Variants in TACC1 observed in about 807,000 individuals in gnomAD.
The protein encoded by TACC1 is transforming acidic coiled-coil-containing protein 1.
TACC1 carries 48 observed loss-of-function variants against 84.4 expected under a neutral mutation model. The observed-to-expected ratio is 0.57, with a 90% CI of 0.45 to 0.72. The LOEUF is 0.72. TACC1 is among the 30% of genes least tolerant of loss of function. TACC1 has a pLI of 0.00. For synonymous variants in TACC1, 372 were observed against 376.3 expected (o/e 0.99, Z 0.13); for missense variants, 920 against 973.0 (o/e 0.95, Z 0.72).
At chr8:38,811,110 C>T (rs967983020) in intron 2 of TACC1, among the ~76,000 whole-genome samples, 1 of 151,576 alleles carries the variant, frequency 6.6e-6, no homozygotes, top group African/African-American at 2.4e-5. Flanking sequence ...AGAGTGAGAC[C>T]CTGTCTCTAA....
At chr8:38,744,917 A>G (rs1196163049) in exon 3 of TACC1, 2 of 152,242 alleles carry the variant, frequency 1.3e-5, no homozygotes, top group African/African-American at 2.4e-5. Context: ...AAATCTGGAC[A>G]TGATATACAA....
intron 3 of TACC1, among the ~76,000 whole-genome samples, chr8:38,778,184 G>A (rs1272498484): frequency 2.6e-5 from 4 of 151,978 alleles, no homozygotes; most frequent in African/African-American, 7.3e-5. Flanking sequence ...GGGCTCAAGC[G>A]ATCCTCCTGC....
At chr8:38,827,056 C>A in intron 4 of TACC1, 112 bp from the exon 5 acceptor site, 1 of 869,072 alleles carries the variant, frequency 1.2e-6, no homozygotes, top group Non-Finnish European at 1.8e-6. Context: ...CTGTGGTTAA[C>A]CTCTCACATA....
chr8:38,798,635 G>GTGTGTA (rs986878023), intron 2 of TACC1, among the ~76,000 whole-genome samples: 2 of 151,688 alleles, frequency 1.3e-5, no homozygotes, highest in Non-Finnish European at 2.9e-5. Context: ...GTGTGTGTGT[G>GTGTGTA]TGTGTATGTG....
At chr8:38,757,305 G>T (rs1430981057) in intron 3 of TACC1, 1 of 1,265,008 alleles carries the variant, frequency 7.9e-7, no homozygotes, top group African/African-American at 1.6e-5. Context: ...GCACAGGAGG[G>T]TGCAGCCCCG....
intron 3 of TACC1, among the ~76,000 whole-genome samples, chr8:38,754,923 G>A (rs1809707257): frequency 6.6e-6 from 1 of 152,236 alleles, no homozygotes; most frequent in Non-Finnish European, 1.5e-5. Context: ...AGCACTTCGG[G>A]AGGCCGAGGC....
At chr8:38,763,802 C>T (rs1003852891) in intron 3 of TACC1, among the ~76,000 whole-genome samples, 3 of 151,938 alleles carry the variant, frequency 2.0e-5, no homozygotes, top group African/African-American at 4.8e-5. Context: ...CTGTATATAC[C>T]ATAATTCATT....
chr8:38,747,591 C>A (rs1195999757), intron 3 of TACC1, among the ~76,000 whole-genome samples: 1 of 152,098 alleles, frequency 6.6e-6, no homozygotes, highest in Admixed American at 6.6e-5. Flanking sequence ...CTGAAAAAAG[C>A]CAATTTGAAA....
chr8:38,735,083 T>G (rs955373921), intron 1 of TACC1, among the ~76,000 whole-genome samples: 1 of 152,354 alleles, frequency 6.6e-6, no homozygotes, highest in Middle Eastern at 3.4e-3. Flanking sequence ...TAGATGCATC[T>G]TAGTTCATAC....
chr8:38,834,705 A>G (rs1015048638), intron 6 of TACC1, among the ~76,000 whole-genome samples: 4 of 152,178 alleles, frequency 2.6e-5, no homozygotes, highest in African/African-American at 9.7e-5. Flanking sequence ...AGGTCTGTGA[A>G]GCTGCATGCT....
intron 2 of TACC1, among the ~76,000 whole-genome samples, chr8:38,816,806 A>G (rs1420577584): frequency 6.6e-6 from 1 of 152,148 alleles, no homozygotes; most frequent in Non-Finnish European, 1.5e-5. Flanking sequence ...GGGTATTTAT[A>G]GAGGTTTCAT....
chr8:38,805,039 T>C lies in TACC1; in HGVS notation c.278-14483T>C, dbSNP rs116595170. Among the ~76,000 whole-genome samples, 456 of 152,360 alleles carry C rather than the reference T, an allele frequency of 3.0e-3. 1 individual carries two copies. Among genetic ancestry groups the C allele is most frequent in the African/African-American group, 0.011 (441 of 41,584 alleles). On this transcript the variant is annotated intron_variant, in intron 2 of 12. Coordinates refer to ENST00000317827, the MANE Select transcript of TACC1 (RefSeq NM_006283.3). ...CTATTTCTTGAGAGATAGCAGAACATAGATCCTATAGTATCAGGCTCAAAG... is the reference window on the plus strand; with the variant it reads ...CTATTTCTTGAGAGATAGCAGAACACAGATCCTATAGTATCAGGCTCAAAG...
At chr8:38,838,591 T>G in intron 8 of TACC1, 45 bp downstream of exon 8, 1 of 1,456,742 alleles carries the variant, frequency 6.9e-7, no homozygotes, top group South Asian at 1.1e-5. Context: ...TTTTATGCAC[T>G]GTTAGATTTG....
intron 5 of TACC1, chr8:38,827,636 T>G (rs570035986): frequency 4.0e-6 from 2 of 497,636 alleles, no homozygotes; most frequent in Non-Finnish European, 7.2e-6. Flanking sequence ...CTTTATAATT[T>G]TATGTGAATA....
chr8:38,831,211 C>A (rs139702747), intron 6 of TACC1, 34 bp downstream of exon 6: 1 of 1,611,360 alleles, frequency 6.2e-7, no homozygotes, highest in Admixed American at 1.7e-5. Flanking sequence ...CGGGTGGACT[C>A]AGGTTTCTTT....
In TACC1 at chr8:38,762,564, T is replaced by G. The variant is rs539294973; in HGVS notation, c.26+17071T>G. ...CTCCACCTTTTGGCTTTTTTTTTTG[T>G]TTTTTTTGGGGGGACAGAGTCTCAC... On this transcript the variant is annotated intron_variant, in intron 3 of 14. Coordinates refer to the TACC1 transcript ENST00000518415. 8.6e-5 allele frequency among the ~76,000 whole-genome samples: 13 copies of G among 151,228 alleles called. No homozygotes were observed. In the South Asian group the frequency reaches 2.7e-3, roughly 32 times the overall value.
intron 3 of TACC1, chr8:38,757,258 C>T: frequency 8.8e-7 from 1 of 1,131,374 alleles, no homozygotes; most frequent in Non-Finnish European, 1.1e-6. Context: ...CCCACCGCCT[C>T]CCCGCCCAGG....
intron 2 of TACC1, among the ~76,000 whole-genome samples, chr8:38,817,361 A>G (rs1290406562): frequency 6.6e-6 from 1 of 152,264 alleles, no homozygotes; most frequent in Non-Finnish European, 1.5e-5. Flanking sequence ...CAGAGATAAT[A>G]GACTCTGTAC....
intron 3 of TACC1, among the ~76,000 whole-genome samples, chr8:38,748,507 G>A (rs1384625894): frequency 6.6e-6 from 1 of 152,064 alleles, no homozygotes; most frequent in Non-Finnish European, 1.5e-5. Context: ...TTCTTTTCAA[G>A]TGCACATGGA....
Sources: allele counts gnomAD v4.1 joint callset (sites outside exome capture counted in the v4.1 genomes callset), GRCh38; gene constraint gnomAD v4.1.1; transcripts MANE v1.5; gene names NCBI Gene and HGNC (gene_info 2026-07-23, HGNC 2026-07-21).